Variants in TCF7L1 observed in about 807,000 individuals in gnomAD.
TCF7L1 encodes transcription factor 7 like 1, also known as transcription factor 7-like 1.
Under a neutral mutation model 63.7 loss-of-function variants are expected in TCF7L1, and 18 were observed. The observed-to-expected ratio is 0.28, with a 90% CI of 0.20 to 0.42. The LOEUF is 0.42. Among genes scored for constraint, TCF7L1 ranks in the 10% least tolerant of loss-of-function variants. The pLI, the probability that TCF7L1 is intolerant of heterozygous loss-of-function variation, is 1.00. For synonymous variants in TCF7L1, 355 were observed against 340.9 expected, an observed-to-expected ratio of 1.04 and a Z score of -0.46; for missense variants, 654 against 779.3, an observed-to-expected ratio of 0.84 and a Z score of 1.91.
At chr2:85,286,356 C>CA (rs1250901067) in intron 4 of TCF7L1, among the ~76,000 whole-genome samples, 21 of 145,220 alleles carry the variant, frequency 1.4e-4, no homozygotes, top group African/African-American at 5.1e-4. Context: ...CTCTGTGACT[C>CA]AAAAAACAAA....
chr2:85,266,728 A>C (rs1309509557), intron 3 of TCF7L1, among the ~76,000 whole-genome samples: 1 of 152,234 alleles, frequency 6.6e-6, no homozygotes, highest in African/African-American at 2.4e-5. Flanking sequence ...TCAATAATAC[A>C]AGTATTCTTT....
chr2:85,149,186 G>A (rs1271137572), intron 3 of TCF7L1, among the ~76,000 whole-genome samples: 2 of 152,124 alleles, frequency 1.3e-5, no homozygotes, highest in Non-Finnish European at 2.9e-5. Flanking sequence ...TTACATGGTT[G>A]TCAATTCCCT....
intron 3 of TCF7L1, among the ~76,000 whole-genome samples, chr2:85,279,523 G>A (rs1185201782): frequency 6.6e-6 from 1 of 152,196 alleles, no homozygotes; most frequent in Non-Finnish European, 1.5e-5. Context: ...AGTGGAAGAG[G>A]ATTACAAGGG....
At chr2:85,289,111 A>G (rs1358536182) in intron 4 of TCF7L1, among the ~76,000 whole-genome samples, 5 of 152,178 alleles carry the variant, frequency 3.3e-5, no homozygotes, top group African/African-American at 4.8e-5. Flanking sequence ...TGAAACCGTA[A>G]AAGTAATGCA....
rs1047207632 is a variant in TCF7L1 at position 85,257,374 on chromosome 2, G to T, written c.442-26121G>T. Among the ~76,000 whole-genome samples, 3 of 152,236 alleles carry T rather than the reference G, an allele frequency of 2.0e-5. No homozygotes were observed. In the East Asian group the frequency reaches 5.8e-4, roughly 29 times the overall value. On this transcript the variant is annotated intron_variant, in intron 3 of 11. Transcript: ENST00000282111. ...AGCACAGCTGCAGGGAGGAAGAACA[G>T]GTTCCCCGGCTTAGCTCCAGGGCAT...
At chr2:85,269,794 G>T (rs976842450) in intron 3 of TCF7L1, among the ~76,000 whole-genome samples, 1 of 152,184 alleles carries the variant, frequency 6.6e-6, no homozygotes, top group African/African-American at 2.4e-5. Context: ...ATAAAATCGT[G>T]TTGTTCCCTG....
intron 3 of TCF7L1, among the ~76,000 whole-genome samples, chr2:85,182,994 G>A (rs1283613169): frequency 2.0e-5 from 3 of 152,214 alleles, no homozygotes; most frequent in Non-Finnish European, 4.4e-5. Flanking sequence ...CTAGGGCTTC[G>A]TGGTTCCTCA....
chr2:85,288,063 C>G (rs1444667375), intron 4 of TCF7L1, among the ~76,000 whole-genome samples: 1 of 152,088 alleles, frequency 6.6e-6, no homozygotes, highest in Non-Finnish European at 1.5e-5. Flanking sequence ...CTTACTACTC[C>G]CAGCGTCACC....
chr2:85,229,299 A>G (rs142398182), intron 3 of TCF7L1, among the ~76,000 whole-genome samples: 4,380 of 152,304 alleles, frequency 0.029, 87 homozygotes, highest in Non-Finnish European at 0.042. Flanking sequence ...GTGAGCTGAG[A>G]TCGTGCCAGT....
intron 3 of TCF7L1, among the ~76,000 whole-genome samples, chr2:85,169,938 C>A (rs1264703068): frequency 6.6e-6 from 1 of 152,214 alleles, no homozygotes; most frequent in Non-Finnish European, 1.5e-5. Context: ...TAGTTAAACT[C>A]ATTTTGAGAT....
chr2:85,256,185 G>A (rs1680712609), intron 3 of TCF7L1, among the ~76,000 whole-genome samples: 1 of 152,212 alleles, frequency 6.6e-6, no homozygotes, highest in Non-Finnish European at 1.5e-5. Flanking sequence ...TGGCTTCGAT[G>A]TGCTTTGGGG....
intron 3 of TCF7L1, among the ~76,000 whole-genome samples, chr2:85,214,379 G>A (rs1572994881): frequency 6.6e-6 from 1 of 152,202 alleles, no homozygotes; most frequent in East Asian, 1.9e-4. Context: ...GGATGTTGTG[G>A]AATTGTCTCC....
Position 85,306,325 on chromosome 2 carries a change from T to G in TCF7L1, c.1109T>G (p.Leu370Arg), listed in dbSNP as rs1167586062. Reference protein sequence around the residue: ...MRAKVVAECTLKESAAINQIL... With the variant: ...MRAKVVAECTRKESAAINQIL... ...GCCAAGGTGGTGGCTGAGTGCACCC[T>G]GAAGGAAAGTGCAGCCATTAACCAG... Residue 370 changes from leucine (L) to arginine (R), a missense_variant, in exon 9 of 12, where the codon CTG becomes CGG. Around this residue, in one of 3 missense-constraint regions of TCF7L1, gnomAD observed 66 missense variants for 120.5 expected, o/e 0.55. Transcript: ENST00000282111. This position sits in a 1 kb window ranked among gnomAD's most constrained non-coding sequence, Gnocchi z 4.3. The G allele has an allele frequency of 1.2e-6, 2 of 1,614,212 alleles. No homozygotes were observed. The highest frequency in any genetic ancestry group is 3.3e-5 in the Admixed American group (2 of 60,030).
chr2:85,145,189 G>A (rs867415501), intron 3 of TCF7L1, among the ~76,000 whole-genome samples: 1 of 152,144 alleles, frequency 6.6e-6, no homozygotes, highest in South Asian at 2.1e-4. Flanking sequence ...ACAGAAGTTG[G>A]GAGGCTTTTG....
intron 3 of TCF7L1, among the ~76,000 whole-genome samples, chr2:85,229,500 C>A (rs1680026670): frequency 6.6e-6 from 1 of 152,146 alleles, no homozygotes; most frequent in Non-Finnish European, 1.5e-5. Flanking sequence ...CAGCTCTATT[C>A]TGACAGGACA....
chr2:85,181,729 T>G (rs971381644), intron 3 of TCF7L1, among the ~76,000 whole-genome samples: 1 of 152,128 alleles, frequency 6.6e-6, no homozygotes, highest in Admixed American at 6.5e-5. Flanking sequence ...CTGAGACCAT[T>G]GGTTCCTTTG....
intron 3 of TCF7L1, among the ~76,000 whole-genome samples, chr2:85,239,072 G>C (rs1021147078): frequency 6.6e-6 from 1 of 152,028 alleles, no homozygotes; most frequent in African/African-American, 2.4e-5. Flanking sequence ...CCAGGGGTAT[G>C]ACTAAATCTG....
At position 85,214,002 on chromosome 2, in the gene TCF7L1, ACC is replaced by A. The variant is rs1427448168; in HGVS notation, c.442-69490_442-69489del. ...GTGGGATGCTCCTGCTGCCATTCTC[ACC>A]CCGGAACGCCCCTGACTCAGCCACC... On this transcript the variant is annotated intron_variant, in intron 3 of 11. Transcript: ENST00000282111. Among the ~76,000 whole-genome samples the A allele has an allele frequency of 7.9e-5, 12 of 151,844 alleles. No homozygotes were observed. The East Asian group carries it at 2.3e-3, about 29-fold the overall frequency.
chr2:85,168,496 GGTGTCGGGGA>G, intron 3 of TCF7L1, among the ~76,000 whole-genome samples: 1 of 152,236 alleles, frequency 6.6e-6, no homozygotes, highest in Non-Finnish European at 1.5e-5. Flanking sequence ...GTGGTGTGGG[GGTGTCGGGGA>G]GTCATGGAGC....
Sources: allele counts gnomAD v4.1 joint callset (sites outside exome capture counted in the v4.1 genomes callset), GRCh38; gene constraint gnomAD v4.1.1; regional missense constraint gnomAD v4.1.1; non-coding constraint Gnocchi (gnomAD v3.1); transcripts MANE v1.5; gene names NCBI Gene and HGNC (gene_info 2026-07-23, HGNC 2026-07-21).